The following MGAT5 variants were observed in gnomAD, a reference collection of about 807,000 sequenced individuals.
The protein encoded by MGAT5 is alpha-1,6-mannosylglycoprotein 6-beta-N-acetylglucosaminyltransferase A.
A neutral mutation model predicts 94.3 loss-of-function variants in MGAT5; 30 were observed. The observed-to-expected ratio is 0.32, with a 90% confidence interval of 0.24 to 0.43. MGAT5 has a LOEUF of 0.43. MGAT5 is among the 20% of genes least tolerant of loss of function. The probability of loss-of-function intolerance (pLI) is 1.00; values close to 1 mark genes in which losing one functional copy is unlikely to be tolerated. For missense variants in MGAT5, 691 were observed against 905.5 expected (o/e 0.76, Z 3.04); for synonymous variants, 310 against 322.9 (o/e 0.96, Z 0.43).
At chr2:134,243,808 G>A (rs985030198) in intron 1 of MGAT5, among the ~76,000 whole-genome samples, 5 of 152,188 alleles carry the variant, frequency 3.3e-5, no homozygotes, top group African/African-American at 1.2e-4. Context: ...CACTCCTGGG[G>A]TAGGCCAGTA....
chr2:134,350,006 A>G, intron 9 of MGAT5, 68 bp downstream of exon 9: 1 of 1,581,976 alleles, frequency 6.3e-7, no homozygotes, highest in African/African-American at 1.3e-5. Flanking sequence ...ATTAGCCGCC[A>G]TCTATTTTGG....
intron 1 of MGAT5, among the ~76,000 whole-genome samples, chr2:134,151,989 A>G (rs11897934): frequency 0.21 from 19,578 of 93,028 alleles, 2,146 homozygotes; most frequent in Middle Eastern, 0.3. Context: ...CACTGCCATG[A>G]GACCTCACTC....
intron 1 of MGAT5, among the ~76,000 whole-genome samples, chr2:134,233,093 TGA>T (rs1419428862): frequency 6.6e-6 from 1 of 152,238 alleles, no homozygotes; most frequent in Non-Finnish European, 1.5e-5. Flanking sequence ...GATGTCATCG[TGA>T]GTTGTTTTCC....
intron 2 of MGAT5, among the ~76,000 whole-genome samples, chr2:134,295,274 G>C (rs11674791): frequency 0.11 from 16,412 of 152,054 alleles, 978 homozygotes; most frequent in South Asian, 0.24. Flanking sequence ...GTACTTACAA[G>C]TTGAATATAG....
At chr2:134,171,723 T>C (rs1159376878) in intron 1 of MGAT5, among the ~76,000 whole-genome samples, 1 of 152,214 alleles carries the variant, frequency 6.6e-6, no homozygotes, top group Non-Finnish European at 1.5e-5. Context: ...AAAACCGTCC[T>C]TGTCCTTGTG....
chr2:134,209,152 A>AT (rs869116395), intron 1 of MGAT5, among the ~76,000 whole-genome samples: 2 of 20,772 alleles, frequency 9.6e-5, no homozygotes, highest in Middle Eastern at 0.045. Context: ...TTTTTTTTTT[A>AT]TTTTTTTTTT....
rs539006684 is a variant in MGAT5, at chr2:134,331,971, A to G, written c.574-4246A>G. ...CTCATGGGTAGGAAGAATCAATATC[A>G]TGAAAAGGAAGAATCAATATCATGA... On this transcript the variant is annotated intron_variant, in intron 4 of 15. Transcript: ENST00000281923. Among the ~76,000 whole-genome samples the G allele has an allele frequency of 2.0e-3, 293 of 145,350 alleles. 3 individuals are homozygous for G. The highest frequency in any genetic ancestry group is 9.9e-3 in the South Asian group (45 of 4,538).
intron 12 of MGAT5, among the ~76,000 whole-genome samples, chr2:134,422,598 A>G (rs1433401615): frequency 3.9e-5 from 6 of 152,142 alleles, no homozygotes; most frequent in African/African-American, 9.7e-5. Context: ...TTGTGACATT[A>G]TCTTATTTCC....
intron 2 of MGAT5, among the ~76,000 whole-genome samples, chr2:134,305,580 A>T (rs972854045): frequency 6.6e-6 from 1 of 152,206 alleles, no homozygotes; most frequent in Non-Finnish European, 1.5e-5. Context: ...TTCATTTTTA[A>T]CAAAATCCAA....
At chr2:134,318,622 C>T in intron 3 of MGAT5, 28 bp from the exon 4 acceptor site, 1 of 1,564,320 alleles carries the variant, frequency 6.4e-7, no homozygotes, top group Admixed American at 1.7e-5. Context: ...TGTGAATGGG[C>T]TGCTCAGAGA....
In MGAT5 at chr2:134,302,081, G is replaced by A. The variant is rs182377082; in HGVS notation, c.407-15448G>A. Among the ~76,000 whole-genome samples the A allele has an allele frequency of 2.5e-3, 379 of 152,232 alleles. 1 individual carries two copies. Among genetic ancestry groups the A allele is most frequent in the Non-Finnish European group, 3.3e-3 (226 of 68,000 alleles). On this transcript the variant is annotated intron_variant, in intron 2 of 15. Transcript: ENST00000281923. ...TTAAATATTTTTAGCTTTGCAAACC[G>A]TATGGTCTGTGATCTGTTGCAGTGA... is the stretch of plus-strand genomic sequence containing the variant.
upstream of MGAT5, among the ~76,000 whole-genome samples, chr2:134,249,259 C>T (rs111875128): frequency 4.7e-5 from 7 of 149,348 alleles, no homozygotes; most frequent in African/African-American, 1.7e-4. Context: ...AGATATGATA[C>T]ACATATCATA....
chr2:134,177,525 G>T (rs558099332), intron 1 of MGAT5, among the ~76,000 whole-genome samples: 1 of 152,236 alleles, frequency 6.6e-6, no homozygotes, highest in Non-Finnish European at 1.5e-5. Context: ...GATGACAAGA[G>T]TGCGGATTTC....
intron 13 of MGAT5, among the ~76,000 whole-genome samples, chr2:134,425,595 C>T (rs1317183890): frequency 3.3e-5 from 5 of 152,172 alleles, no homozygotes; most frequent in African/African-American, 4.8e-5. Flanking sequence ...TGACTCAAAC[C>T]CTGGCCTCCT....
intron 4 of MGAT5, among the ~76,000 whole-genome samples, chr2:134,333,531 A>G (rs1356904024): frequency 6.6e-6 from 1 of 151,840 alleles, no homozygotes; most frequent in Non-Finnish European, 1.5e-5. Flanking sequence ...ACATGTATAC[A>G]TATGTACCTA....
chr2:134,350,091 T>TTTTTTGTTTTTGTTTTTG (rs10530206), intron 9 of MGAT5, among the ~76,000 whole-genome samples, 153 bp downstream of exon 9: 6,930 of 151,662 alleles, frequency 0.046, 507 homozygotes, highest in African/African-American at 0.15. Flanking sequence ...CTGAATTTGT[T>TTTTTTGTTTTTGTTTTTG]TTTTTGTTTT....
intron 10 of MGAT5, 27 bp downstream of exon 10, chr2:134,362,435 C>G: frequency 6.2e-7 from 1 of 1,603,562 alleles, no homozygotes; most frequent in Middle Eastern, 1.7e-4. Flanking sequence ...GTGTCTCTCT[C>G]TCTGAAAAGA....
At chr2:134,428,732 G>C (rs566699254) in intron 14 of MGAT5, among the ~76,000 whole-genome samples, 230 of 152,240 alleles carry the variant, frequency 1.5e-3, no homozygotes, top group Non-Finnish European at 2.4e-3. Flanking sequence ...GCCCTGAGTG[G>C]GTTCTGAGGC....
intron 1 of MGAT5, among the ~76,000 whole-genome samples, chr2:134,219,821 A>G (rs927853508): frequency 6.6e-6 from 1 of 152,168 alleles, no homozygotes; most frequent in Admixed American, 6.5e-5. Context: ...TTGGTTTCAA[A>G]TCTTGTTCCT....
Sources: gnomAD v4.1 joint callset for allele counts (sites outside exome capture counted in the v4.1 genomes callset) on GRCh38, gnomAD v4.1.1 for gene constraint, MANE v1.5 for transcripts, NCBI Gene and HGNC (gene_info 2026-07-23, HGNC 2026-07-21) for gene names.